Variants in ZNF484 observed in about 807,000 individuals in gnomAD.
ZNF484 encodes the protein KRAB box containing C2H2 type zinc finger bA526D8.4.
Under a neutral mutation model 12.9 loss-of-function variants are expected in ZNF484, and 11 were observed. That is an observed-to-expected ratio of 0.85 (90% CI 0.54 to 1.41). The LOEUF is 1.41. Ranked by LOEUF, ZNF484 falls within the 40% of genes most tolerant of loss-of-function variation. The pLI is 0.00. For synonymous variants in ZNF484, 289 were observed against 334.1 expected, an observed-to-expected ratio of 0.86 and a Z score of 1.47; for missense variants, 807 against 1,007.7, an observed-to-expected ratio of 0.80 and a Z score of 2.70.
Position 92,846,253 on chromosome 9 carries a change from T to G in ZNF484, c.2534A>C (p.Asp845Ala). Residue 845 changes from aspartate to alanine, a missense_variant, in exon 5 of 5, where the codon GAC (aspartate) becomes GCC (alanine). Coordinates refer to ENST00000375495, the MANE Select transcript of ZNF484 (RefSeq NM_031486.4). ...CTAGATAGAAGAAAGTTGGCCTTGG[T>G]CACCTTCTGAGTCCCCACACCATAA... ...PQLWCGDSEG[D>A]QGQLSSI 4 of 1,613,244 alleles carry G rather than the reference T, an allele frequency of 2.5e-6. No homozygotes were observed. Among genetic ancestry groups the G allele is most frequent in the Non-Finnish European group, 3.4e-6 (4 of 1,179,726 alleles).
In ZNF484 at chr9:92,846,968, G is replaced by T. The variant is rs138860897; in HGVS notation, c.1819C>A (p.Pro607Thr). 6.2e-7 allele frequency: 1 copy of T among 1,614,122 alleles called. No homozygotes were observed. The highest frequency in any genetic ancestry group is 1.3e-5 in the African/African-American group (1 of 75,034). Reference sequence around the variant, plus strand: ...TTCCCACAAATACTGCATTCATAGGGTTTCTCTCCAGTATGAATTCTCTCA... The same window carrying T: ...TTCCCACAAATACTGCATTCATAGGTTTTCTCTCCAGTATGAATTCTCTCA... The part of the protein sequence containing the change: ...THERIHTGEK[P>T]YECSICGKSF... The change falls in exon 5 of 5, where the codon CCC (proline) becomes ACC (threonine). Residue 607 changes from proline to threonine, a missense_variant. Pro to Thr is a conservative substitution (Grantham distance 38). Transcript: ENST00000375495.
chr9:92,873,419 A>T (rs954774419), intron 2 of ZNF484, among the ~76,000 whole-genome samples: 4 of 129,948 alleles, frequency 3.1e-5, no homozygotes, highest in African/African-American at 1.3e-4. Context: ...CTTAGATGAA[A>T]GGGACCAGTT....
intron 1 of ZNF484, 113 bp from the exon 2 acceptor site, chr9:92,875,172 G>A: frequency 5.2e-6 from 4 of 763,098 alleles, no homozygotes; most frequent in Non-Finnish European, 8.2e-6. Flanking sequence ...TTTATTTCTG[G>A]AACTACCACA....
chr9:92,846,968 G>A lies in ZNF484; in HGVS notation c.1819C>T (p.Pro607Ser). Residue 607 changes from proline (P) to serine (S), a missense_variant, in exon 5 of 5, where the codon CCC (proline) becomes TCC (serine). Physicochemically the swap from Pro to Ser is moderately conservative, Grantham distance 74. Transcript: ENST00000375495. Reference protein sequence around the residue: ...THERIHTGEKPYECSICGKSF... With the variant: ...THERIHTGEKSYECSICGKSF... ...TTCCCACAAATACTGCATTCATAGG[G>A]TTTCTCTCCAGTATGAATTCTCTCA... 6.2e-7 allele frequency: 1 copy of A among 1,614,122 alleles called. No homozygotes were observed. Among genetic ancestry groups the A allele is most frequent in the Non-Finnish European group, 8.5e-7 (1 of 1,180,022 alleles).
Position 92,846,454 on chromosome 9 carries a change from C to T in ZNF484, c.2333G>A (p.Cys778Tyr), listed in dbSNP as rs745592640. ...RIHTGEKPYI[C>Y]AECGKAFTIR... ...GGTGAAGGCCTTTCCACACTCAGCA[C>T]ATATATATGGTTTCTCTCCTGTGTG... Residue 778 changes from cysteine (C) to tyrosine (Y), a missense_variant, in exon 5 of 5, where the codon TGT becomes TAT. Transcript: ENST00000375495. 5 of 1,613,986 alleles carry T rather than the reference C, an allele frequency of 3.1e-6. No individual in the cohort carries two copies. The African/African-American group carries it at 5.3e-5, about 17-fold the overall frequency.
rs745741379 is a variant in ZNF484, at chr9:92,848,371, A to G, written c.416T>C (p.Val139Ala). The change falls in exon 5 of 5, where the codon GTT becomes GCT. Residue 139 changes from valine (V) to alanine (A), a missense_variant. Physicochemically the swap from Val to Ala is moderately conservative, Grantham distance 64. Transcript: ENST00000375495. The surrounding 1 kb of genome is among the most constrained non-coding windows in gnomAD (Gnocchi z 4.1). ...GENQNKPLSR[V>A]VFINKKTLAN... The stretch of plus-strand genomic sequence containing the variant: ...TAGTGTTTTCTTGTTAATGAAGACA[A>G]CACGACTTAAAGGTTTGTTCTGGTT... 1.9e-6 allele frequency: 3 copies of G among 1,614,186 alleles called. No individual in the cohort carries two copies. The highest frequency in any genetic ancestry group is 1.1e-5 in the South Asian group (1 of 91,080).
chr9:92,862,756 C>T (rs1043893662), intron 2 of ZNF484, among the ~76,000 whole-genome samples: 1 of 152,086 alleles, frequency 6.6e-6, no homozygotes, highest in African/African-American at 2.4e-5. Context: ...TTTATGTTTA[C>T]AACTGCCAAG....
chr9:92,852,708 C>T (rs970898309), intron 4 of ZNF484, among the ~76,000 whole-genome samples: 1 of 151,696 alleles, frequency 6.6e-6, no homozygotes, highest in East Asian at 1.9e-4. Flanking sequence ...GGCTAATTTT[C>T]ATACTTTTAG....
rs142769342 is a variant in ZNF484, at chr9:92,853,405, C to T, written c.235+2406G>A. Among the ~76,000 whole-genome samples, 50 of 152,356 alleles carry T rather than the reference C, an allele frequency of 3.3e-4. No individual in the cohort carries two copies. The East Asian group carries it at 4.8e-3, about 15-fold the overall frequency. ...CTACATTGTATCTTGTCTTCCTTCA[C>T]ACAAACAGCCAGACCCTTAAATGCA... On this transcript the variant is annotated intron_variant, in intron 4 of 4. Transcript: ENST00000375495.
rs146178197 is a variant in ZNF484 at position 92,847,979 on chromosome 9, C to T, written c.808G>A (p.Glu270Lys). The T allele has an allele frequency of 6.3e-5, 101 of 1,614,224 alleles. No individual in the cohort carries two copies. Among genetic ancestry groups the T allele is most frequent in the Middle Eastern group, 1.6e-4 (1 of 6,062 alleles). The change falls in exon 5 of 5, where the codon GAG becomes AAG. Residue 270 changes from glutamate to lysine, a missense_variant. By Grantham distance (56) the Glu-to-Lys change is moderately conservative (BLOSUM62 1). Coordinates refer to ENST00000375495, the MANE Select transcript of ZNF484 (RefSeq NM_031486.4). The part of the protein sequence containing the change: ...FSPKSHAFAH[E>K]SICAEEKQHE... ...TGCTTTTCTTCAGCACAAATACTCT[C>T]ATGTGCAAAGGCATGTGACTTCGGG...
chr9:92,850,822 C>G (rs925916004), intron 4 of ZNF484, among the ~76,000 whole-genome samples: 1 of 152,142 alleles, frequency 6.6e-6, no homozygotes, highest in Non-Finnish European at 1.5e-5. Context: ...GTCTCAAACT[C>G]CTGACCTCAA....
In ZNF484 at chr9:92,856,312, C is replaced by T. The variant is rs779548765; in HGVS notation, c.22G>A (p.Val8Met). The T allele has an allele frequency of 1.6e-5, 24 of 1,532,924 alleles. No homozygotes were observed. The African/African-American group carries it at 3.5e-4, about 22-fold the overall frequency. The allele number at this position is 1,532,924 out of a possible 1,614,324, so 95.0% of individuals were successfully genotyped here. A position where few individuals can be genotyped will look rare whatever the true frequency, so the allele number is the denominator to read the frequency against. The change falls in exon 3 of 5, where the codon GTG (valine) becomes ATG (methionine). Residue 8 changes from valine (V) to methionine (M), a missense_variant. Transcript: ENST00000375495. ...TCTACAGTTACGTCCTTGAATGACA[C>T]TGATTCCTGTTAAAAAAAAAAAACA... is the stretch of plus-strand genomic sequence containing the variant. MTKSLES[V>M]SFKDVTVDFS...
chr9:92,846,092 T>A lies in ZNF484; in HGVS notation c.*136A>T. On this transcript the variant is annotated 3_prime_UTR_variant, in exon 5 of 5. Coordinates refer to ENST00000375495, the MANE Select transcript of ZNF484 (RefSeq NM_031486.4). ...AATCATCTCCTTGCACATTTACTAT[T>A]ATTTGCAGGAGCTTGACAACACCAA... 2.4e-6 allele frequency: 2 copies of A among 832,614 alleles called. No individual in the cohort carries two copies. Among genetic ancestry groups the A allele is most frequent in the South Asian group, 3.9e-5 (2 of 50,844 alleles). The allele number at this position is 832,614 out of a possible 1,614,324, so 51.6% of individuals were successfully genotyped here. A position where few individuals can be genotyped will look rare whatever the true frequency, so the allele number is the denominator to read the frequency against.
chr9:92,863,186 T>C (rs1016958097), intron 2 of ZNF484, among the ~76,000 whole-genome samples: 3 of 148,528 alleles, frequency 2.0e-5, no homozygotes, highest in African/African-American at 7.5e-5. Context: ...AAACGCTACA[T>C]GTTCTTACTT....
chr9:92,854,644 G>A (rs1856326839), intron 4 of ZNF484, among the ~76,000 whole-genome samples: 2 of 152,182 alleles, frequency 1.3e-5, no homozygotes, highest in South Asian at 4.1e-4. Context: ...GTGAACCTGG[G>A]AGGTGGAGCT....
chr9:92,859,827 A>T (rs1856674365), intron 2 of ZNF484, among the ~76,000 whole-genome samples: 1 of 152,248 alleles, frequency 6.6e-6, no homozygotes, highest in African/African-American at 2.4e-5. Context: ...ATACAGATCA[A>T]AATCAGCCAA....
chr9:92,872,906 T>C (rs1288950242), intron 2 of ZNF484, among the ~76,000 whole-genome samples: 1 of 151,132 alleles, frequency 6.6e-6, no homozygotes, highest in African/African-American at 2.4e-5. Context: ...ATTTTTCAAG[T>C]GCTAAAAAAA....
chr9:92,875,041 C>T lies in ZNF484; in HGVS notation c.-12G>A, dbSNP rs761722253. Reference sequence around the variant, plus strand: ...AGGGACTTGGTCATTTTTGGCTCTTCGGACAAAGGGGCAGAAATCTGAGAA... The same window carrying T: ...AGGGACTTGGTCATTTTTGGCTCTTTGGACAAAGGGGCAGAAATCTGAGAA... On this transcript the variant is annotated 5_prime_UTR_variant, in exon 2 of 5. Coordinates refer to ENST00000375495, the MANE Select transcript of ZNF484 (RefSeq NM_031486.4). The T allele has an allele frequency of 2.5e-6, 4 of 1,613,858 alleles. No individual in the cohort carries two copies. The highest frequency in any genetic ancestry group is 1.7e-5 in the Admixed American group (1 of 59,978).
At chr9:92,872,490 C>CAAA (rs537371475) in intron 2 of ZNF484, among the ~76,000 whole-genome samples, 1 of 47,476 alleles carries the variant, frequency 2.1e-5, no homozygotes, top group Non-Finnish European at 3.7e-5. Context: ...ATCTCTGCCT[C>CAAA]AAAAAAAAAA....
Sources: allele counts gnomAD v4.1 joint callset (sites outside exome capture counted in the v4.1 genomes callset), GRCh38; gene constraint gnomAD v4.1.1; non-coding constraint Gnocchi (gnomAD v3.1); transcripts MANE v1.5; gene names NCBI Gene and HGNC (gene_info 2026-07-23, HGNC 2026-07-21).